Variants in NPHP4 observed in about 807,000 individuals in gnomAD.
The protein encoded by NPHP4 is nephrocystin-4.
In NPHP4, 151 loss-of-function variants were observed where a neutral mutation model predicts 155.8. The ratio of observed to expected loss-of-function variants is 0.97; its 90% CI spans 0.85 to 1.11. The LOEUF (loss-of-function observed/expected upper bound fraction) is 1.11. Ranked by LOEUF, NPHP4 falls within the 50% of genes least tolerant of loss-of-function variation. The pLI, the probability that NPHP4 is intolerant of heterozygous loss-of-function variation, is 0.00. For missense variants in NPHP4, 1,956 were observed against 1,925.7 expected, an observed-to-expected ratio of 1.02 and a Z score of -0.29; for synonymous variants, 845 against 816.8, an observed-to-expected ratio of 1.03 and a Z score of -0.59.
intron 9 of NPHP4, among the ~76,000 whole-genome samples, chr1:5,934,622 C>G (rs1324733216): frequency 6.6e-6 from 1 of 152,180 alleles, no homozygotes; most frequent in African/African-American, 2.4e-5. Flanking sequence ...TGCTCCCAGT[C>G]CCGGGCTTGG....
Position 5,873,355 on chromosome 1 carries a change from C to T in NPHP4, c.3232-20G>A. On this transcript the variant is annotated intron_variant, in intron 22 of 29. Transcript: ENST00000378156. ...AGAGGCCTGCAGGAACCGAACAGCA[C>T]AAGCAGGTCAGGAAGCAACACCATT... The T allele has an allele frequency of 6.2e-7, 1 of 1,607,558 alleles. No individual in the cohort carries two copies. The highest frequency in any genetic ancestry group is 8.5e-7 in the Non-Finnish European group (1 of 1,174,070).
At chr1:5,947,348 C>T in intron 8 of NPHP4, 118 bp from the exon 9 acceptor site, 1 of 1,028,420 alleles carries the variant, frequency 9.7e-7, no homozygotes, top group Non-Finnish European at 1.5e-6. Context: ...AGGGGTGCTG[C>T]TGCAACAGCA....
rs41280798 is a variant in NPHP4, at chr1:5,873,275, C to A, written c.3292G>T (p.Ala1098Ser). 3 of 1,613,892 alleles carry A rather than the reference C, an allele frequency of 1.9e-6. No homozygotes were observed. Among genetic ancestry groups the A allele is most frequent in the East Asian group, 2.2e-5 (1 of 44,874 alleles). Residue 1098 changes from alanine to serine, a missense_variant, in exon 23 of 30, where the codon GCA (alanine) becomes TCA (serine). By Grantham distance (99) the Ala-to-Ser change is moderately conservative (BLOSUM62 1). Transcript: ENST00000378156. ...ACCTTGGCGTGTTTAGTGGGCACTGCGCTGGACTTCCAAGGTGACACGGCG... is the reference window on the plus strand; with the variant it reads ...ACCTTGGCGTGTTTAGTGGGCACTGAGCTGGACTTCCAAGGTGACACGGCG... ...MDAVSPWKSS[A>S]VPTKHAKVLF...
Position 5,978,284 on chromosome 1 carries a change from T to C in NPHP4, c.265A>G (p.Ile89Val). Residue 89 changes from isoleucine (I) to valine (V), a missense_variant, in exon 3 of 30, where the codon ATC (isoleucine) becomes GTC (valine). Transcript: ENST00000378156. ...CCAGGGCCCACCTCATTAAAGACGATCCTGGACGGCGGTCTCTTCGTCGGC... is the reference window on the plus strand; with the variant it reads ...CCAGGGCCCACCTCATTAAAGACGACCCTGGACGGCGGTCTCTTCGTCGGC... ...VKPTKRPPSR[I>V]VFNEPLYFHT... 1 of 1,607,434 alleles carries C rather than the reference T, an allele frequency of 6.2e-7. No homozygotes were observed. The highest frequency in any genetic ancestry group is 8.5e-7 in the Non-Finnish European group (1 of 1,177,270).
rs894737324 is a variant in NPHP4 at position 5,927,702 on chromosome 1, C to T, written c.1388G>A (p.Ser463Asn). Residue 463 changes from serine to asparagine, a missense_variant, in exon 11 of 30, where the codon AGT becomes AAT. Transcript: ENST00000378156. ...EHLDAPTEPV[S>N]GPKVERRPSR... is the part of the protein sequence containing the mutation. ...AGGCCGCCGCTCCACTTTGGGGCCACTGACAGGCTCCGTGGGTGCATCCAG... is the reference window on the plus strand; with the variant it reads ...AGGCCGCCGCTCCACTTTGGGGCCATTGACAGGCTCCGTGGGTGCATCCAG... 3.1e-6 allele frequency: 5 copies of T among 1,613,326 alleles called. No homozygotes were observed. In the African/African-American group the frequency reaches 6.7e-5, roughly 22 times the overall value.
chr1:5,926,218 CAATT>C (rs1305820935), intron 11 of NPHP4, among the ~76,000 whole-genome samples: 4 of 152,040 alleles, frequency 2.6e-5, no homozygotes, highest in African/African-American at 9.7e-5. Flanking sequence ...AAAAACAAAA[CAATT>C]AAAACCATCA....
rs1028178889 is a variant in NPHP4 at position 5,890,351 on chromosome 1, A to G, written c.2304+517T>C. 6.6e-6 allele frequency among the ~76,000 whole-genome samples: 1 copy of G among 152,168 alleles called. No homozygotes were observed. The highest frequency in any genetic ancestry group is 2.4e-5 in the African/African-American group (1 of 41,446). ...GAAGGCTTGGGAAGAATTCCAGGGA[A>G]GACGAGTGAAAGAATCCATGGATTT... On this transcript the variant is annotated intron_variant, in intron 17 of 29. Transcript: ENST00000378156. This position sits in a 1 kb window ranked among gnomAD's most constrained non-coding sequence, Gnocchi z 4.9.
In NPHP4 at chr1:5,877,225, GGC is replaced by G; in HGVS notation, c.2683_2684del (p.Ala895ProfsTer20). Reference protein sequence around the residue: ...SELAAMLLTHARQGKGPQDVS... With the variant: ...SELAAMLLTHXRQGKGPQDVS... ...CGTCCTGGGGCCCCTTGCCCTGCCGGGCATGGGTCAGTAGCATGGCAGCCAGC... is the reference window on the plus strand; with the variant it reads ...CGTCCTGGGGCCCCTTGCCCTGCCGGATGGGTCAGTAGCATGGCAGCCAGC... On this transcript the variant is annotated frameshift_variant, in exon 20 of 30. Transcript: ENST00000378156. LOFTEE classifies it high-confidence loss of function. 1 of 1,608,674 alleles carries G rather than the reference GGC, an allele frequency of 6.2e-7. No individual in the cohort carries two copies.
intron 2 of NPHP4, among the ~76,000 whole-genome samples, chr1:5,984,704 G>C (rs1229368528): frequency 6.6e-6 from 1 of 152,192 alleles, no homozygotes; most frequent in Non-Finnish European, 1.5e-5. Context: ...GATGCCATGG[G>C]ATGATTCACT....
intron 26 of NPHP4, chr1:5,866,046 G>T: frequency 2.5e-6 from 1 of 396,308 alleles, no homozygotes; most frequent in African/African-American, 2.1e-5. Context: ...ATGCTGTTCA[G>T]CCTAGGGACT....
At position 5,964,919 on chromosome 1, in the gene NPHP4, A is replaced by T. The variant is rs866806099; in HGVS notation, c.517+2380T>A. ...ATAAAATATATAATACATATATATT[A>T]TATATATATATATATATATATATTT... On this transcript the variant is annotated intron_variant, in intron 5 of 29. Coordinates refer to ENST00000378156, the MANE Select transcript of NPHP4 (RefSeq NM_015102.5). Among the ~76,000 whole-genome samples the T allele has an allele frequency of 5.6e-4, 38 of 68,368 alleles. 2 individuals are homozygous for T. Among genetic ancestry groups the T allele is most frequent in the African/African-American group, 1.4e-3 (19 of 13,940 alleles). The allele number at this position is 68,368 out of a possible 152,430, so 44.9% of individuals were successfully genotyped here.
In NPHP4 at chr1:5,887,647, G is replaced by A. The variant is rs146495149; in HGVS notation, c.2305-181C>T. ...AGGGGGCGGCGAGCCAGGCGCCAACGTCTTAAAGCAGGACTCCTTATTACT... is the reference window on the plus strand; with the variant it reads ...AGGGGGCGGCGAGCCAGGCGCCAACATCTTAAAGCAGGACTCCTTATTACT... On this transcript the variant is annotated intron_variant, in intron 17 of 29. Coordinates refer to ENST00000378156, the MANE Select transcript of NPHP4 (RefSeq NM_015102.5). Among the ~76,000 whole-genome samples, 441 of 152,302 alleles carry A rather than the reference G, an allele frequency of 2.9e-3. 4 individuals carry two copies. Among genetic ancestry groups the A allele is most frequent in the African/African-American group, 0.01 (419 of 41,568 alleles).
At chr1:5,904,197 A>G (rs1644804731) in intron 16 of NPHP4, among the ~76,000 whole-genome samples, 1 of 152,246 alleles carries the variant, frequency 6.6e-6, no homozygotes, top group Admixed American at 6.5e-5. Context: ...CATGACCAGT[A>G]TGGACCTTAT....
At position 5,910,778 on chromosome 1, in the gene NPHP4, G is replaced by A. The variant is rs936345376; in HGVS notation, c.1442-1565C>T. Among the ~76,000 whole-genome samples, 12 of 152,306 alleles carry A rather than the reference G, an allele frequency of 7.9e-5. No homozygotes were observed. The highest frequency in any genetic ancestry group is 3.4e-3 in the Middle Eastern group (1 of 294). On this transcript the variant is annotated intron_variant, in intron 11 of 29. Transcript: ENST00000378156. The surrounding 1 kb of genome is among the most constrained non-coding windows in gnomAD (Gnocchi z 5.4). ...ACGACCATCGGAGCCAATCCCCGCC[G>A]TGCCTCTCCCAGCAGCTTCCAGAAC...
rs554669804 is a variant in NPHP4 at position 5,924,081 on chromosome 1, T to C, written c.1441+3568A>G. Among the ~76,000 whole-genome samples, 132 of 152,230 alleles carry C rather than the reference T, an allele frequency of 8.7e-4. 2 individuals carry two copies. Among genetic ancestry groups the C allele is most frequent in the Non-Finnish European group, 1.7e-3 (113 of 68,004 alleles). ...GACGAACTTCTAGAGATGAAAACTA[T>C]AATATCTGAGATGAAAAGTATACTG... On this transcript the variant is annotated intron_variant, in intron 11 of 29. Coordinates refer to ENST00000378156, the MANE Select transcript of NPHP4 (RefSeq NM_015102.5).
At chr1:5,948,760 G>A (rs1647324302) in intron 7 of NPHP4, among the ~76,000 whole-genome samples, 1 of 152,152 alleles carries the variant, frequency 6.6e-6, no homozygotes, top group East Asian at 1.9e-4. Flanking sequence ...CCAGAGACCT[G>A]AGACTGGGTG....
At chr1:5,864,187 C>G (rs1162487820) in intron 28 of NPHP4, 151 bp downstream of exon 28, 7 of 1,146,432 alleles carry the variant, frequency 6.1e-6, no homozygotes, top group Non-Finnish European at 8.8e-6. Context: ...CCGGGAGAGA[C>G]ACAGCACAGG....
chr1:5,940,377 T>C (rs1266030094), intron 9 of NPHP4, among the ~76,000 whole-genome samples: 1 of 152,102 alleles, frequency 6.6e-6, no homozygotes, highest in African/African-American at 2.4e-5. Flanking sequence ...TCCAGAACCA[T>C]GCATGAGCCA....
intron 17 of NPHP4, among the ~76,000 whole-genome samples, chr1:5,888,088 C>A (rs144851485): frequency 4.6e-5 from 7 of 152,074 alleles, no homozygotes; most frequent in Non-Finnish European, 1.0e-4. Context: ...AGAGGCCCGC[C>A]GGGAGCCCTG....
Sources: allele counts gnomAD v4.1 joint callset (sites outside exome capture counted in the v4.1 genomes callset), GRCh38; gene constraint gnomAD v4.1.1; non-coding constraint Gnocchi (gnomAD v3.1); transcripts MANE v1.5; gene names NCBI Gene and HGNC (gene_info 2026-07-23, HGNC 2026-07-21).